The following HSD17B12 variants were observed in gnomAD, a reference collection of about 807,000 sequenced individuals.
The protein encoded by HSD17B12 is hydroxysteroid 17-beta dehydrogenase 12.
Under a neutral mutation model 39.3 loss-of-function variants are expected in HSD17B12, and 32 were observed. The ratio of observed to expected loss-of-function variants is 0.81; its 90% CI spans 0.61 to 1.09. HSD17B12 has a LOEUF of 1.09. Among genes scored for constraint, HSD17B12 ranks in the 50% least tolerant of loss-of-function variants. The probability of loss-of-function intolerance (pLI) is 0.00; values close to 1 mark genes in which losing one functional copy is unlikely to be tolerated. For synonymous variants in HSD17B12, 150 were observed against 146.7 expected (o/e 1.02, Z -0.16); for missense variants, 342 against 382.9 (o/e 0.89, Z 0.89).
At chr11:43,617,011 C>T in the HSD17B12 span, among the ~76,000 whole-genome samples, 1 of 150,832 alleles carries the variant, frequency 6.6e-6, no homozygotes, top group South Asian at 2.1e-4. Context: ...AAAAAAAATC[C>T]GGGGTAAGTT....
At chr11:43,633,911 C>T in the HSD17B12 span, among the ~76,000 whole-genome samples, 1 of 151,454 alleles carries the variant, frequency 6.6e-6, no homozygotes, top group Non-Finnish European at 1.5e-5. Flanking sequence ...CCCATCTCTA[C>T]TAAAAGTGCA....
chr11:43,768,667 T>C (rs1175151860), intron 3 of HSD17B12, among the ~76,000 whole-genome samples: 1 of 152,192 alleles, frequency 6.6e-6, no homozygotes, highest in Non-Finnish European at 1.5e-5. Flanking sequence ...GTGTTACAGC[T>C]CTTAAAGGTG....
At chr11:43,665,564 C>T in the HSD17B12 span, among the ~76,000 whole-genome samples, 3 of 151,956 alleles carry the variant, frequency 2.0e-5, no homozygotes, top group African/African-American at 4.8e-5. Context: ...AATCCATTGA[C>T]CACTTGTGGA....
chr11:43,673,505 T>TC, the HSD17B12 span: 1 of 152,456 alleles, frequency 6.6e-6, no homozygotes, highest in African/African-American at 2.5e-5. Context: ...TTTTTTTTTT[T>TC]TTTTTGAGAC....
chr11:43,830,834 T>C (rs1056121713), intron 6 of HSD17B12, 142 bp from the exon 7 acceptor site: 11 of 615,728 alleles, frequency 1.8e-5, no homozygotes, highest in Non-Finnish European at 3.2e-5. Flanking sequence ...CATTCTACAG[T>C]GTACAGAAAA....
At chr11:43,802,266 G>T (rs910605003) in intron 4 of HSD17B12, among the ~76,000 whole-genome samples, 3 of 152,000 alleles carry the variant, frequency 2.0e-5, no homozygotes, top group African/African-American at 7.3e-5. Context: ...GATTACAGGA[G>T]TGAGCCACCA....
chr11:43,611,805 T>C, the HSD17B12 span, among the ~76,000 whole-genome samples: 1 of 152,202 alleles, frequency 6.6e-6, no homozygotes, highest in Non-Finnish European at 1.5e-5. Context: ...TATCTCAGAT[T>C]CTGACAACAA....
At chr11:43,664,745 G>T in the HSD17B12 span, among the ~76,000 whole-genome samples, 5 of 152,128 alleles carry the variant, frequency 3.3e-5, no homozygotes, top group Non-Finnish European at 7.4e-5. Flanking sequence ...AGGGGTCCCT[G>T]CTCTGTCTCA....
At chr11:43,677,905 G>T (rs771130101), upstream of HSD17B12, among the ~76,000 whole-genome samples, 2 of 152,194 alleles carry the variant, frequency 1.3e-5, no homozygotes, top group Admixed American at 6.5e-5. Flanking sequence ...GCGTGCATGT[G>T]TCTTTATAGC....
the HSD17B12 span, among the ~76,000 whole-genome samples, chr11:43,619,571 T>C: frequency 6.6e-6 from 1 of 151,710 alleles, no homozygotes; most frequent in East Asian, 1.9e-4. Context: ...TTTGTATTTT[T>C]AGTAGAGATG....
rs1415620142 is a variant in HSD17B12, at chr11:43,776,007, G to A, written c.283+21886G>A. 1.3e-4 allele frequency among the ~76,000 whole-genome samples: 19 copies of A among 151,818 alleles called. No individual in the cohort carries two copies. The South Asian group carries it at 2.3e-3, about 18-fold the overall frequency. On this transcript the variant is annotated intron_variant, in intron 3 of 10. Transcript: ENST00000278353. ...CCACATTTTCTTAATCCAGTCTATC[G>A]TTGGACATTTGGGTTGGTTCCAAGT... is the stretch of plus-strand genomic sequence containing the variant.
intron 1 of HSD17B12, among the ~76,000 whole-genome samples, chr11:43,736,590 A>G (rs1950318735): frequency 6.6e-6 from 1 of 152,210 alleles, no homozygotes; most frequent in Non-Finnish European, 1.5e-5. Flanking sequence ...GGGATTGTGG[A>G]AAATGCCCAC....
At chr11:43,854,897 T>A (rs1226151526) in intron 10 of HSD17B12, 33 bp downstream of exon 10, 1 of 1,607,996 alleles carries the variant, frequency 6.2e-7, no homozygotes, top group South Asian at 1.1e-5. Context: ...AAATCAATAC[T>A]TTCTGGCTTG....
chr11:43,654,424 CT>C, the HSD17B12 span, among the ~76,000 whole-genome samples: 1 of 152,066 alleles, frequency 6.6e-6, no homozygotes, highest in Non-Finnish European at 1.5e-5. Flanking sequence ...TCAATTTTGG[CT>C]TTTGATGCCA....
intron 1 of HSD17B12, among the ~76,000 whole-genome samples, chr11:43,746,551 C>T (rs1386279413): frequency 3.3e-5 from 5 of 152,194 alleles, no homozygotes; most frequent in African/African-American, 1.2e-4. Context: ...ACAGTGCTTT[C>T]TTCTGGAGTA....
At chr11:43,812,744 T>C (rs767695515) in intron 4 of HSD17B12, among the ~76,000 whole-genome samples, 3 of 152,220 alleles carry the variant, frequency 2.0e-5, no homozygotes, top group Non-Finnish European at 4.4e-5. Flanking sequence ...TATAGAGCTA[T>C]GTTAAATAGA....
At chr11:43,821,265 G>C (rs1951180289) in intron 6 of HSD17B12, among the ~76,000 whole-genome samples, 1 of 152,128 alleles carries the variant, frequency 6.6e-6, no homozygotes, top group Non-Finnish European at 1.5e-5. Context: ...TCAAAGCCTT[G>C]TTGCCTGCTT....
At chr11:43,621,723 A>AAAACAG in the HSD17B12 span, among the ~76,000 whole-genome samples, 15 of 152,186 alleles carry the variant, frequency 9.9e-5, no homozygotes, top group Admixed American at 2.0e-4. Flanking sequence ...AACAAAAACA[A>AAAACAG]AAACAAATAT....
chr11:43,693,226 A>T (rs1193205210), intron 1 of HSD17B12, among the ~76,000 whole-genome samples: 1 of 152,256 alleles, frequency 6.6e-6, no homozygotes, highest in African/African-American at 2.4e-5. Flanking sequence ...GATAGGAGCG[A>T]TGAGCAGCAG....
Sources: gnomAD v4.1 joint callset for allele counts (sites outside exome capture counted in the v4.1 genomes callset) on GRCh38, gnomAD v4.1.1 for gene constraint, MANE v1.5 for transcripts, NCBI Gene and HGNC (gene_info 2026-07-23, HGNC 2026-07-21) for gene names.